Variants in CAP2 observed in about 807,000 individuals in gnomAD.
The protein encoded by CAP2 is adenylyl cyclase-associated protein 2.
Under a neutral mutation model 57.7 loss-of-function variants are expected in CAP2, and 24 were observed. The observed-to-expected ratio is 0.42, with a 90% CI of 0.30 to 0.58. The LOEUF is 0.58. CAP2 is among the 20% of genes least tolerant of loss of function. CAP2 has a pLI of 0.22. For synonymous variants in CAP2, 194 were observed against 207.2 expected (o/e 0.94, Z 0.55); for missense variants, 501 against 590.3 (o/e 0.85, Z 1.57).
At chr6:17,456,727 G>A (rs551876322) in intron 3 of CAP2, among the ~76,000 whole-genome samples, 2 of 152,262 alleles carry the variant, frequency 1.3e-5, no homozygotes, top group African/African-American at 4.8e-5. Context: ...CAAGAAGAGG[G>A]CTGATGCAGT....
intron 1 of CAP2, among the ~76,000 whole-genome samples, chr6:17,396,865 A>G (rs1461466816): frequency 1.3e-5 from 2 of 152,168 alleles, no homozygotes; most frequent in Non-Finnish European, 2.9e-5. Context: ...AAACTAGGGG[A>G]AAAAGTACTA....
At chr6:17,483,922 T>C (rs1276657914) in intron 4 of CAP2, among the ~76,000 whole-genome samples, 3 of 151,840 alleles carry the variant, frequency 2.0e-5, no homozygotes, top group Non-Finnish European at 2.9e-5. Context: ...TAGAGCCCCA[T>C]AGGTTCTCTC....
At chr6:17,415,667 C>G (rs530609115) in intron 1 of CAP2, among the ~76,000 whole-genome samples, 10 of 152,292 alleles carry the variant, frequency 6.6e-5, no homozygotes, top group African/African-American at 2.4e-4. Context: ...CCAACCTCAG[C>G]CCCTGAAAAG....
intron 4 of CAP2, among the ~76,000 whole-genome samples, chr6:17,488,632 T>A (rs1761476973): frequency 6.6e-6 from 1 of 152,198 alleles, no homozygotes; most frequent in African/African-American, 2.4e-5. Context: ...CAACCTCAGT[T>A]TCCTCTGCTG....
chr6:17,514,842 A>G (rs1238581026), intron 7 of CAP2, among the ~76,000 whole-genome samples: 2 of 152,214 alleles, frequency 1.3e-5, no homozygotes, highest in Non-Finnish European at 2.9e-5. Context: ...ATGCTTTACC[A>G]GTTAATGTTA....
intron 11 of CAP2, among the ~76,000 whole-genome samples, chr6:17,550,677 T>G (rs1464882055): frequency 6.6e-6 from 1 of 152,054 alleles, no homozygotes; most frequent in Non-Finnish European, 1.5e-5. Flanking sequence ...AGTCCGCCCT[T>G]ATGGAGATTT....
intron 4 of CAP2, among the ~76,000 whole-genome samples, chr6:17,494,285 A>G (rs1056098183): frequency 1.3e-5 from 2 of 152,152 alleles, no homozygotes; most frequent in East Asian, 1.9e-4. Flanking sequence ...AGCAGCTCCC[A>G]TGATTGGTGC....
chr6:17,544,143 G>GA (rs1762983359), intron 11 of CAP2, among the ~76,000 whole-genome samples: 2 of 124,848 alleles, frequency 1.6e-5, no homozygotes, highest in South Asian at 2.7e-4. Flanking sequence ...AAAAAGAAAA[G>GA]AAAAAAAGGA....
chr6:17,530,678 G>C (rs1762618535), intron 7 of CAP2, among the ~76,000 whole-genome samples: 1 of 152,114 alleles, frequency 6.6e-6, no homozygotes, highest in African/African-American at 2.4e-5. Context: ...AATATGTAAA[G>C]ACAGGTGGCT....
intron 4 of CAP2, among the ~76,000 whole-genome samples, chr6:17,502,040 A>T (rs1761835265): frequency 6.6e-6 from 1 of 152,206 alleles, no homozygotes; most frequent in Admixed American, 6.5e-5. Context: ...AACAAAAAGT[A>T]ATCTGAGTGA....
chr6:17,458,009 T>G (rs560511309), intron 3 of CAP2, among the ~76,000 whole-genome samples: 2 of 152,230 alleles, frequency 1.3e-5, no homozygotes, highest in Non-Finnish European at 2.9e-5. Context: ...TGGGGAAAAG[T>G]GCACTTATTT....
At chr6:17,494,882 T>G (rs1761627111) in intron 4 of CAP2, among the ~76,000 whole-genome samples, 1 of 152,210 alleles carries the variant, frequency 6.6e-6, no homozygotes, top group Non-Finnish European at 1.5e-5. Context: ...GACCCTCCCT[T>G]AAGTAAGAGA....
rs773266583 is a variant in CAP2, at chr6:17,438,433, G to GTTTT, written c.222+11763_222+11766dup. 1.2e-3 allele frequency among the ~76,000 whole-genome samples: 69 copies of GTTTT among 58,384 alleles called. 6 individuals carry two copies. The highest frequency in any genetic ancestry group is 5.5e-3 in the African/African-American group (55 of 9,988). 38.3% of individuals were successfully genotyped at this position (58,384 alleles called of 152,430 possible). On this transcript the variant is annotated intron_variant, in intron 3 of 12. Transcript: ENST00000229922. ...TTTGCTTGTTTGACCATCCAGAAGT[G>GTTTT]TTTTTTTTTTTTTTTTTTTTTTTGA...
At chr6:17,500,247 T>C (rs1761771497) in intron 4 of CAP2, among the ~76,000 whole-genome samples, 1 of 148,508 alleles carries the variant, frequency 6.7e-6, no homozygotes, top group Non-Finnish European at 1.5e-5. Flanking sequence ...CAGTTGAACA[T>C]TTCTGATTTG....
intron 4 of CAP2, among the ~76,000 whole-genome samples, chr6:17,474,332 AT>A (rs1561796301): frequency 6.6e-6 from 1 of 151,772 alleles, no homozygotes; most frequent in African/African-American, 2.4e-5. Context: ...GAAAAAAAAA[AT>A]GGGCATGTCA....
intron 4 of CAP2, among the ~76,000 whole-genome samples, chr6:17,464,976 G>T (rs921259515): frequency 6.6e-6 from 1 of 152,136 alleles, no homozygotes; most frequent in Non-Finnish European, 1.5e-5. Context: ...AGAACAAGAG[G>T]CCTCTCCAAT....
At chr6:17,492,058 C>G (rs1425085014) in intron 4 of CAP2, among the ~76,000 whole-genome samples, 1 of 152,182 alleles carries the variant, frequency 6.6e-6, no homozygotes, top group East Asian at 1.9e-4. Flanking sequence ...CTTAATGTGC[C>G]AGGAGGAAGG....
chr6:17,533,845 C>T (rs758839539), intron 7 of CAP2, among the ~76,000 whole-genome samples: 11 of 152,134 alleles, frequency 7.2e-5, no homozygotes, highest in African/African-American at 1.7e-4. Flanking sequence ...TGATTACAGG[C>T]GTGAGCCACT....
At chr6:17,408,040 A>T (rs534950196) in intron 1 of CAP2, among the ~76,000 whole-genome samples, 1 of 152,204 alleles carries the variant, frequency 6.6e-6, no homozygotes, top group East Asian at 1.9e-4. Flanking sequence ...TATAATTACA[A>T]TGAATGCTGG....
Sources: allele counts gnomAD v4.1 joint callset (sites outside exome capture counted in the v4.1 genomes callset), GRCh38; gene constraint gnomAD v4.1.1; transcripts MANE v1.5; gene names NCBI Gene and HGNC (gene_info 2026-07-23, HGNC 2026-07-21).